Variants in RARB observed in about 807,000 individuals in gnomAD.
RARB encodes HBV-activated protein.
In RARB, 17 loss-of-function variants were observed where a neutral mutation model predicts 51.9. That is an observed-to-expected ratio of 0.33 (90% CI 0.22 to 0.49). The LOEUF (loss-of-function observed/expected upper bound fraction) is 0.49, where lower values mean the gene tolerates loss of function less well. RARB is among the 20% of genes least tolerant of loss of function. RARB has a pLI of 0.99. For synonymous variants in RARB, 215 were observed against 195.4 expected (o/e 1.10, Z -0.84); for missense variants, 369 against 550.8 (o/e 0.67, Z 3.30).
chr3:25,485,028 T>TCA (rs143261135), intron 2 of RARB, among the ~76,000 whole-genome samples: 1 of 152,286 alleles, frequency 6.6e-6, no homozygotes, highest in Non-Finnish European at 1.5e-5. Flanking sequence ...ATTTTGTGTT[T>TCA]CACACACACA....
In RARB at chr3:24,953,296, C is replaced by A. The variant is rs563931633; in HGVS notation, c.-380+94544C>A. ...ACGGTGGGAGGAAGAAATGCATATT[C>A]AAAAGGAGATCAGAAAAAAAAGAAA... On this transcript the variant is annotated intron_variant, in intron 2 of 11. Coordinates refer to the RARB transcript ENST00000383772. 7.2e-5 allele frequency among the ~76,000 whole-genome samples: 11 copies of A among 151,772 alleles called. No individual in the cohort carries two copies. The South Asian group carries it at 2.3e-3, about 32-fold the overall frequency.
chr3:24,855,993 G>A (rs1048816483), intron 1 of RARB, among the ~76,000 whole-genome samples: 14 of 152,028 alleles, frequency 9.2e-5, no homozygotes, highest in African/African-American at 3.1e-4. Context: ...CTTGTGATCC[G>A]CCCGCCTCGG....
intron 2 of RARB, among the ~76,000 whole-genome samples, chr3:25,466,448 G>A (rs1239830522): frequency 6.6e-6 from 1 of 152,162 alleles, no homozygotes; most frequent in East Asian, 1.9e-4. Context: ...CACCCACCTA[G>A]GCCTCCCAAA....
At chr3:25,031,714 A>G (rs1697880809) in intron 2 of RARB, among the ~76,000 whole-genome samples, 1 of 152,204 alleles carries the variant, frequency 6.6e-6, no homozygotes, top group South Asian at 2.1e-4. Flanking sequence ...GCATGTTTCT[A>G]TTAGCCAAAC....
intron 2 of RARB, among the ~76,000 whole-genome samples, chr3:24,914,991 C>T (rs756558456): frequency 2.0e-5 from 3 of 152,128 alleles, no homozygotes; most frequent in Non-Finnish European, 4.4e-5. Context: ...CCATACATAG[C>T]ATTATAGAGA....
intron 5 of RARB, among the ~76,000 whole-genome samples, chr3:25,373,837 T>C (rs1485033572): frequency 6.6e-6 from 1 of 152,140 alleles, no homozygotes; most frequent in East Asian, 1.9e-4. Context: ...TCTTGGCTGA[T>C]TTCCAGATCC....
At chr3:25,408,354 G>A (rs1707470079) in intron 5 of RARB, among the ~76,000 whole-genome samples, 1 of 152,014 alleles carries the variant, frequency 6.6e-6, no homozygotes, top group Non-Finnish European at 1.5e-5. Context: ...AAGACAAAGG[G>A]GAAGTAGGGC....
chr3:25,161,006 TTTG>T (rs879753755), intron 4 of RARB, among the ~76,000 whole-genome samples: 32 of 151,642 alleles, frequency 2.1e-4, no homozygotes, highest in Admixed American at 5.3e-4. Context: ...TCATCTCCTT[TTTG>T]TTGTTGTTGT....
chr3:25,488,598 T>C (rs1696581011), intron 2 of RARB, among the ~76,000 whole-genome samples: 1 of 152,198 alleles, frequency 6.6e-6, no homozygotes, highest in African/African-American at 2.4e-5. Context: ...GAGTGGGTTA[T>C]AGCATCAGGG....
chr3:24,983,287 GT>G (rs963520715), intron 2 of RARB, among the ~76,000 whole-genome samples: 50 of 144,062 alleles, frequency 3.5e-4, no homozygotes, highest in African/African-American at 5.6e-4. Context: ...CCTTTTGTTT[GT>G]TTTTTTTTTC....
intron 5 of RARB, among the ~76,000 whole-genome samples, chr3:25,265,005 G>A (rs913754496): frequency 6.6e-6 from 1 of 152,128 alleles, no homozygotes; most frequent in Non-Finnish European, 1.5e-5. Context: ...AATAGTATTA[G>A]CACCCTTACA....
intron 5 of RARB, among the ~76,000 whole-genome samples, chr3:25,380,854 A>G (rs932438436): frequency 7.3e-5 from 11 of 151,680 alleles, no homozygotes; most frequent in African/African-American, 2.7e-4. Flanking sequence ...TTATATTTCT[A>G]TTTTCTCAGT....
chr3:25,535,743 G>C (rs936557293), intron 3 of RARB, among the ~76,000 whole-genome samples: 1 of 152,126 alleles, frequency 6.6e-6, no homozygotes, highest in African/African-American at 2.4e-5. Context: ...GTTGAAGCTG[G>C]AAACCATCCT....
chr3:25,516,101 A>G (rs547491053), intron 3 of RARB, among the ~76,000 whole-genome samples: 6 of 152,316 alleles, frequency 3.9e-5, no homozygotes, highest in Middle Eastern at 3.4e-3. Context: ...GAAATGCACT[A>G]TGGGCCATGA....
intron 1 of RARB, among the ~76,000 whole-genome samples, chr3:24,845,340 C>G (rs1702473084): frequency 6.6e-6 from 1 of 152,104 alleles, no homozygotes; most frequent in Non-Finnish European, 1.5e-5. Context: ...TGGTATACCT[C>G]GACTAGGAAG....
At chr3:25,033,893 T>C (rs1559441616) in intron 2 of RARB, among the ~76,000 whole-genome samples, 1 of 152,340 alleles carries the variant, frequency 6.6e-6, no homozygotes, top group Non-Finnish European at 1.5e-5. Context: ...ATGGGTGTTG[T>C]TCTCCCAGAC....
chr3:25,391,589 GAAGT>G (rs1469876437), intron 5 of RARB, among the ~76,000 whole-genome samples: 1 of 148,052 alleles, frequency 6.8e-6, no homozygotes, highest in Non-Finnish European at 1.5e-5. Context: ...GATTCTTGCA[GAAGT>G]AAGATGGTAT....
intron 5 of RARB, among the ~76,000 whole-genome samples, chr3:25,350,812 G>T (rs1171080982): frequency 6.6e-6 from 1 of 152,174 alleles, no homozygotes; most frequent in African/African-American, 2.4e-5. Flanking sequence ...ATGATGCAGG[G>T]GCTATGGCTG....
chr3:24,888,495 A>G (rs78323595), intron 2 of RARB, among the ~76,000 whole-genome samples: 3,161 of 152,136 alleles, frequency 0.021, 98 homozygotes, highest in East Asian at 0.056. Context: ...CTTAATGATC[A>G]TGCATAGAAG....
Sources: gnomAD v4.1 joint callset for allele counts (sites outside exome capture counted in the v4.1 genomes callset) on GRCh38, gnomAD v4.1.1 for gene constraint, MANE v1.5 for transcripts, NCBI Gene and HGNC (gene_info 2026-07-23, HGNC 2026-07-21) for gene names.